Variants in PIBF1 observed in about 807,000 individuals in gnomAD.
PIBF1 encodes the protein progesterone immunomodulatory binding factor 1, also known as progesterone-induced-blocking factor 1.
PIBF1 carries 90 observed loss-of-function variants against 112.5 expected under a neutral mutation model. That is an observed-to-expected ratio of 0.80 (90% CI 0.67 to 0.95). The LOEUF (loss-of-function observed/expected upper bound fraction) is 0.95, where lower values mean the gene tolerates loss of function less well. Ranked by LOEUF, PIBF1 falls within the 40% of genes least tolerant of loss-of-function variation. The pLI is 0.00. For missense variants in PIBF1, 915 were observed against 852.3 expected, an observed-to-expected ratio of 1.07 and a Z score of -0.92; for synonymous variants, 301 against 288.6, an observed-to-expected ratio of 1.04 and a Z score of -0.44.
At chr13:72,863,790 T>C (rs540251682) in intron 10 of PIBF1, among the ~76,000 whole-genome samples, 13 of 152,350 alleles carry the variant, frequency 8.5e-5, no homozygotes, top group South Asian at 2.1e-4. Flanking sequence ...AGAATCCCTC[T>C]GTAATGACAC....
chr13:72,960,543 T>A (rs1363029982), intron 14 of PIBF1, among the ~76,000 whole-genome samples: 1 of 152,248 alleles, frequency 6.6e-6, no homozygotes, highest in Admixed American at 6.5e-5. Flanking sequence ...TTTTGTGCAA[T>A]TGAAATTAGA....
intron 10 of PIBF1, among the ~76,000 whole-genome samples, chr13:72,877,979 C>A (rs1197338464): frequency 6.6e-6 from 1 of 152,024 alleles, no homozygotes; most frequent in East Asian, 1.9e-4. Context: ...GAACTCCCAA[C>A]CTCAGGTGAT....
chr13:72,927,994 CACAT>C (rs1332174148), intron 13 of PIBF1, among the ~76,000 whole-genome samples: 1 of 79,950 alleles, frequency 1.3e-5, no homozygotes, highest in African/African-American at 6.3e-5. Flanking sequence ...TATATACACA[CACAT>C]ATATATACAT....
At chr13:72,934,487 T>G (rs1413440859) in intron 14 of PIBF1, among the ~76,000 whole-genome samples, 1 of 152,008 alleles carries the variant, frequency 6.6e-6, no homozygotes, top group Non-Finnish European at 1.5e-5. Flanking sequence ...TTAGTAGAGA[T>G]AAGGTTTCAC....
intron 17 of PIBF1, among the ~76,000 whole-genome samples, chr13:73,005,052 G>A (rs1407626899): frequency 6.6e-6 from 1 of 152,112 alleles, no homozygotes; most frequent in East Asian, 1.9e-4. Context: ...AAGCGTGGTG[G>A]TGCATGCCTG....
rs71099771 is a variant in PIBF1, at chr13:72,949,300, C to CTTTTTTTTTTTTTTTTTTTTTTTT, written c.1834-15964_1834-15941dup. On this transcript the variant is annotated intron_variant, in intron 14 of 17. Transcript: ENST00000326291. The stretch of plus-strand genomic sequence containing the variant: ...AACTACTACCTAGACAAATAGCTGT[C>CTTTTTTTTTTTTTTTTTTTTTTTT]TTTTTTTTTTTTTTTTTTTTTTTTT... Among the ~76,000 whole-genome samples, 11 of 54,980 alleles carry CTTTTTTTTTTTTTTTTTTTTTTTT rather than the reference C, an allele frequency of 2.0e-4. 4 individuals are homozygous for CTTTTTTTTTTTTTTTTTTTTTTTT. The highest frequency in any genetic ancestry group is 2.5e-4 in the Non-Finnish European group (8 of 31,598). The allele number at this position is 54,980 out of a possible 152,430, so 36.1% of individuals were successfully genotyped here. A position where few individuals can be genotyped will look rare whatever the true frequency, so the allele number is the denominator to read the frequency against.
chr13:72,939,510 C>G (rs2041956795), intron 14 of PIBF1, among the ~76,000 whole-genome samples: 1 of 152,142 alleles, frequency 6.6e-6, no homozygotes, highest in South Asian at 2.1e-4. Context: ...GTTTCTTTCA[C>G]TGAGCATACT....
chr13:72,894,772 A>AGTGTGTGTGTGTGTGTGTGT (rs35885902), intron 11 of PIBF1, among the ~76,000 whole-genome samples: 6 of 137,218 alleles, frequency 4.4e-5, no homozygotes, highest in African/African-American at 5.7e-5. Context: ...ATATATATAT[A>AGTGTGTGTGTGTGTGTGTGT]GTGTGTGTGT....
At chr13:72,995,909 A>G (rs1195009054) in intron 16 of PIBF1, among the ~76,000 whole-genome samples, 4 of 151,424 alleles carry the variant, frequency 2.6e-5, no homozygotes, top group Non-Finnish European at 4.4e-5. Context: ...AGATCTTGCC[A>G]CTGCACTCCA....
chr13:72,825,439 C>A (rs2036762090), intron 6 of PIBF1, among the ~76,000 whole-genome samples: 1 of 152,120 alleles, frequency 6.6e-6, no homozygotes, highest in East Asian at 1.9e-4. Flanking sequence ...AGATACATGA[C>A]CCTTGACCAA....
Position 72,973,686 on chromosome 13 carries a change from T to C in PIBF1, c.2049+11T>C. On this transcript the variant is annotated intron_variant, in intron 16 of 17. Transcript: ENST00000326291. ...CTAAATCATCGTGAGGTATTTTTCC[T>C]ATTTTGTCATAATTGTAATCATTTT... The C allele has an allele frequency of 1.4e-6, 2 of 1,430,590 alleles. No individual in the cohort carries two copies. The highest frequency in any genetic ancestry group is 1.9e-6 in the Non-Finnish European group (2 of 1,026,300). 88.6% of individuals were successfully genotyped at this position (1,430,590 alleles called of 1,614,324 possible).
chr13:72,941,621 G>A (rs1277330583), intron 14 of PIBF1, among the ~76,000 whole-genome samples: 1 of 152,156 alleles, frequency 6.6e-6, no homozygotes, highest in African/African-American at 2.4e-5. Flanking sequence ...TGTCTAGAAA[G>A]TGGGACATGC....
At chr13:72,936,835 T>A (rs2041883691) in intron 14 of PIBF1, among the ~76,000 whole-genome samples, 1 of 152,200 alleles carries the variant, frequency 6.6e-6, no homozygotes, top group East Asian at 1.9e-4. Flanking sequence ...GTGATTTTGG[T>A]TGACATTACG....
At chr13:72,835,929 C>T (rs2037339137) in intron 9 of PIBF1, among the ~76,000 whole-genome samples, 1 of 151,988 alleles carries the variant, frequency 6.6e-6, no homozygotes, top group Admixed American at 6.6e-5. Flanking sequence ...GAAACCCCAT[C>T]TCTACTAAAA....
At chr13:72,977,091 T>C (rs1480620484) in intron 16 of PIBF1, among the ~76,000 whole-genome samples, 1 of 152,204 alleles carries the variant, frequency 6.6e-6, no homozygotes, top group Non-Finnish European at 1.5e-5. Context: ...TTGGACAGTG[T>C]AAATGAGTGA....
intron 4 of PIBF1, 43 bp downstream of exon 4, chr13:72,795,600 A>G: frequency 8.1e-7 from 1 of 1,238,078 alleles, no homozygotes; most frequent in Non-Finnish European, 1.2e-6. Flanking sequence ...ATATATTTTC[A>G]GACTAAAATT....
intron 14 of PIBF1, among the ~76,000 whole-genome samples, chr13:72,964,081 C>A (rs1278696923): frequency 6.6e-6 from 1 of 152,086 alleles, no homozygotes; most frequent in Non-Finnish European, 1.5e-5. Context: ...CAGTGGAAAC[C>A]CAAGTATTCA....
chr13:72,920,298 G>A (rs1355255328), intron 13 of PIBF1, among the ~76,000 whole-genome samples: 1 of 152,190 alleles, frequency 6.6e-6, no homozygotes, highest in African/African-American at 2.4e-5. Context: ...TTCTCATGGT[G>A]AGCCAGAGGG....
chr13:72,829,839 G>T (rs1260158947), intron 8 of PIBF1, among the ~76,000 whole-genome samples: 1 of 152,040 alleles, frequency 6.6e-6, no homozygotes, highest in Non-Finnish European at 1.5e-5. Context: ...GCTTGATGGG[G>T]GTAGCATTGA....
Sources: gnomAD v4.1 joint callset for allele counts (sites outside exome capture counted in the v4.1 genomes callset) on GRCh38, gnomAD v4.1.1 for gene constraint, MANE v1.5 for transcripts, NCBI Gene and HGNC (gene_info 2026-07-23, HGNC 2026-07-21) for gene names.